The following RYR2 variants were observed in gnomAD, a reference collection of about 807,000 sequenced individuals.
RYR2 encodes the protein cardiac muscle ryanodine receptor-calcium release channel.
In RYR2, 227 loss-of-function variants were observed where a neutral mutation model predicts 601.1. That is an observed-to-expected ratio of 0.38 (90% CI 0.34 to 0.42). The LOEUF is 0.42. Among genes scored for constraint, RYR2 ranks in the 10% least tolerant of loss-of-function variants. RYR2 has a pLI of 1.00. For missense variants in RYR2, 4,646 were observed against 6,156.5 expected (o/e 0.75, Z 8.21); for synonymous variants, 2,223 against 2,175.1 (o/e 1.02, Z -0.61).
intron 2 of RYR2, among the ~76,000 whole-genome samples, chr1:237,296,964 A>G (rs1424959936): frequency 1.3e-5 from 2 of 152,240 alleles, no homozygotes; most frequent in South Asian, 4.1e-4. Context: ...TAAGTTCTAT[A>G]TACAGTTGTA....
intron 77 of RYR2, 41 bp from the exon 78 acceptor site, chr1:237,732,005 T>G (rs1430719068): frequency 7.4e-7 from 1 of 1,348,540 alleles, no homozygotes; most frequent in Non-Finnish European, 1.1e-6. Flanking sequence ...AGTGAACATT[T>G]TTTTTTAATG....
intron 23 of RYR2, among the ~76,000 whole-genome samples, chr1:237,507,560 G>A (rs183324116): frequency 4.6e-5 from 7 of 152,262 alleles, no homozygotes; most frequent in African/African-American, 1.7e-4. Context: ...TCTGAATAAA[G>A]AATACTTAAT....
At position 237,614,768 on chromosome 1, in the gene RYR2, G is replaced by A. The variant is rs1306252684; in HGVS notation, c.5640G>A (p.Glu1880=). The A allele has an allele frequency of 2.5e-6, 4 of 1,612,108 alleles. No individual in the cohort carries two copies. The highest frequency in any genetic ancestry group is 1.3e-5 in the African/African-American group (1 of 74,868). The stretch of plus-strand genomic sequence containing the variant: ...ATGCAAAGCTGCAAGGAGCTGGTGA[G>A]GAAGAAGCCAAGGGGGGCAAGCGGC... ...VDDAKLQGAG[E]EEAKGGKRPK... The change falls in exon 37 of 105, where the codon GAG becomes GAA. Residue 1880 remains glutamate (E), a synonymous_variant. Coordinates refer to ENST00000366574, the MANE Select transcript of RYR2 (RefSeq NM_001035.3). This position sits in a 1 kb window ranked among gnomAD's most constrained non-coding sequence, Gnocchi z 4.3.
intron 29 of RYR2, among the ~76,000 whole-genome samples, chr1:237,581,111 T>G (rs1673870049): frequency 1.3e-5 from 2 of 152,266 alleles, no homozygotes; most frequent in African/African-American, 4.8e-5. Context: ...TTTGAAGAGC[T>G]AACCATATCC....
chr1:237,079,808 C>G (rs2148383846), intron 1 of RYR2, among the ~76,000 whole-genome samples: 1 of 140,294 alleles, frequency 7.1e-6, no homozygotes, highest in South Asian at 2.1e-4. Context: ...CAAAAAAGAG[C>G]CCGCATTGCC....
chr1:237,708,830 C>A, intron 68 of RYR2, 28 bp from the exon 69 acceptor site: 1 of 1,586,060 alleles, frequency 6.3e-7, no homozygotes, highest in South Asian at 1.1e-5. Flanking sequence ...TTTTACAGAG[C>A]AGAATACTAA....
intron 38 of RYR2, among the ~76,000 whole-genome samples, chr1:237,618,400 A>G (rs1279664366): frequency 1.3e-5 from 2 of 152,182 alleles, no homozygotes; most frequent in African/African-American, 4.8e-5. Context: ...AACCCTGGAC[A>G]TTACAAAGAA....
chr1:237,220,211 G>C (rs938475856), intron 1 of RYR2, among the ~76,000 whole-genome samples: 1 of 152,192 alleles, frequency 6.6e-6, no homozygotes, highest in African/African-American at 2.4e-5. Context: ...CATCTGCCTG[G>C]CTGGAAGCCC....
chr1:237,083,836 C>T lies in RYR2; in HGVS notation c.48+41267C>T, dbSNP rs1399819185. 3.9e-5 allele frequency among the ~76,000 whole-genome samples: 6 copies of T among 152,142 alleles called. No homozygotes were observed. The East Asian group carries it at 1.2e-3, about 29-fold the overall frequency. On this transcript the variant is annotated intron_variant, in intron 1 of 104. Transcript: ENST00000366574. Reference sequence around the variant, plus strand: ...AATGCTTTCCCTCAGTATTCATCCCCTTAAACTTCCCTGGAGGATGTGGGA... The same window carrying T: ...AATGCTTTCCCTCAGTATTCATCCCTTTAAACTTCCCTGGAGGATGTGGGA...
intron 43 of RYR2, 48 bp downstream of exon 43, chr1:237,633,758 A>T (rs752854290): frequency 3.3e-6 from 5 of 1,526,410 alleles, no homozygotes; most frequent in Non-Finnish European, 4.4e-6. Context: ...ATAATATAAT[A>T]TTACATTTAA....
Position 237,456,825 on chromosome 1 carries a change from C to A in RYR2, c.1612+90C>A, listed in dbSNP as rs1469668309. 44 of 1,409,108 alleles carry A rather than the reference C, an allele frequency of 3.1e-5. 1 individual carries two copies. The East Asian group carries it at 1.0e-3, about 33-fold the overall frequency. The allele number at this position is 1,409,108 out of a possible 1,614,324, so 87.3% of individuals were successfully genotyped here. A position where few individuals can be genotyped will look rare whatever the true frequency, so the allele number is the denominator to read the frequency against. ...GGTGTGATGGCTCATGCCTGTAATT[C>A]CAGCAATTTGGGAGGCTGAGGTGGG... On this transcript the variant is annotated intron_variant, in intron 16 of 104. Transcript: ENST00000366574.
At chr1:237,537,451 G>A (rs1355620816) in intron 25 of RYR2, among the ~76,000 whole-genome samples, 1 of 151,890 alleles carries the variant, frequency 6.6e-6, no homozygotes, top group African/African-American at 2.4e-5. Context: ...AGCCTCCCTA[G>A]TACAGGCGCC....
At chr1:237,669,275 T>A (rs1225467309) in intron 58 of RYR2, among the ~76,000 whole-genome samples, 1 of 152,130 alleles carries the variant, frequency 6.6e-6, no homozygotes, top group Non-Finnish European at 1.5e-5. Flanking sequence ...CATGTATACT[T>A]CTTTCTACAC....
intron 1 of RYR2, among the ~76,000 whole-genome samples, chr1:237,258,851 T>C (rs1688246934): frequency 6.6e-6 from 1 of 152,168 alleles, no homozygotes; most frequent in Non-Finnish European, 1.5e-5. Flanking sequence ...TTTAGTGTAT[T>C]AAAGATGAAA....
rs992231197 is a variant in RYR2, at chr1:237,628,208, GCTTTT to G, written c.6440+134_6440+138del. On this transcript the variant is annotated intron_variant, in intron 41 of 104. Transcript: ENST00000366574. Reference sequence around the variant, plus strand: ...GATTATACGATTATTATACTAAATAGCTTTTCTTTTTTTTATTTATTATTATCATA... The same window carrying G: ...GATTATACGATTATTATACTAAATAGCTTTTTTTTATTTATTATTATCATA... 12 of 1,122,098 alleles carry G rather than the reference GCTTTT, an allele frequency of 1.1e-5. No homozygotes were observed. In the South Asian group the frequency reaches 1.3e-4, roughly 12 times the overall value. The allele number at this position is 1,122,098 out of a possible 1,614,324, so 69.5% of individuals were successfully genotyped here.
In RYR2 at chr1:237,362,805, C is replaced by A. The variant is rs368627166; in HGVS notation, c.295-1553C>A. On this transcript the variant is annotated intron_variant, in intron 4 of 104. Transcript: ENST00000366574. ...TGAAAGTGATGTTTGTGTCTTACATCTGCTCTTCTTTCTCATTCTGCAGAA... is the reference window on the plus strand; with the variant it reads ...TGAAAGTGATGTTTGTGTCTTACATATGCTCTTCTTTCTCATTCTGCAGAA... Among the ~76,000 whole-genome samples the A allele has an allele frequency of 3.9e-5, 6 of 152,288 alleles. No individual in the cohort carries two copies. The East Asian group carries it at 9.7e-4, about 24-fold the overall frequency.
intron 101 of RYR2, among the ~76,000 whole-genome samples, chr1:237,827,037 G>T (rs2819743): frequency 0.24 from 36,459 of 152,056 alleles, 4,914 homozygotes; most frequent in East Asian, 0.61. Context: ...CTTAACACAT[G>T]TATCCTGGCT....
chr1:237,773,390 C>T, intron 86 of RYR2, 130 bp from the exon 87 acceptor site: 2 of 578,162 alleles, frequency 3.5e-6, no homozygotes, highest in South Asian at 5.0e-5. Flanking sequence ...ATATTTACTT[C>T]ACAGATATTT....
rs1164785531 is a variant in RYR2, at chr1:237,615,260, T to G, written c.5715+417T>G. 2.0e-5 allele frequency among the ~76,000 whole-genome samples: 3 copies of G among 152,166 alleles called. No individual in the cohort carries two copies. In the East Asian group the frequency reaches 5.8e-4, roughly 29 times the overall value. On this transcript the variant is annotated intron_variant, in intron 37 of 104. Transcript: ENST00000366574. ...CTGGAGTGCAGTGGTGGTGCAATCA[T>G]AGCTCACTGCAGCCTAGAACTCCTG...
Sources: allele counts gnomAD v4.1 joint callset (sites outside exome capture counted in the v4.1 genomes callset), GRCh38; gene constraint gnomAD v4.1.1; non-coding constraint Gnocchi (gnomAD v3.1); transcripts MANE v1.5; gene names NCBI Gene and HGNC (gene_info 2026-07-23, HGNC 2026-07-21).